KCNIP4: variants seen among roughly 807,000 people sequenced by gnomAD.
KCNIP4 encodes the protein potassium voltage-gated channel interacting protein 4, also known as Kv channel-interacting protein 4.
In KCNIP4, 12 loss-of-function variants were observed where a neutral mutation model predicts 34.0. The observed-to-expected ratio is 0.35, with a 90% CI of 0.23 to 0.57. The LOEUF is 0.57. Among genes scored for constraint, KCNIP4 ranks in the 20% least tolerant of loss-of-function variants. The pLI is 0.83. For synonymous variants in KCNIP4, 124 were observed against 102.2 expected, an observed-to-expected ratio of 1.21 and a Z score of -1.29; for missense variants, 238 against 311.7, an observed-to-expected ratio of 0.76 and a Z score of 1.78.
intron 1 of KCNIP4, among the ~76,000 whole-genome samples, chr4:21,610,923 C>T (rs1190276509): frequency 6.6e-6 from 1 of 152,062 alleles, no homozygotes; most frequent in Non-Finnish European, 1.5e-5. Flanking sequence ...CACCCATCAA[C>T]TCATCATCTA....
chr4:21,878,494 C>A (rs1251208826), intron 1 of KCNIP4, among the ~76,000 whole-genome samples: 3 of 152,152 alleles, frequency 2.0e-5, no homozygotes, highest in Non-Finnish European at 4.4e-5. Context: ...TATTGGTCTG[C>A]ATTCTTTCAC....
At chr4:21,043,962 T>G (rs1560672387) in intron 1 of KCNIP4, among the ~76,000 whole-genome samples, 2 of 152,144 alleles carry the variant, frequency 1.3e-5, no homozygotes, top group South Asian at 4.1e-4. Context: ...TGCCATTGGT[T>G]TCCATTGGGT....
intron 1 of KCNIP4, among the ~76,000 whole-genome samples, chr4:21,797,471 GTTTTT>G (rs71193408): frequency 0.35 from 52,370 of 149,586 alleles, 10,652 homozygotes; most frequent in Non-Finnish European, 0.48. Flanking sequence ...AAAAACATCA[GTTTTT>G]TTTTTTATTT....
intron 1 of KCNIP4, chr4:21,544,369 A>C (rs965245678): frequency 6.6e-6 from 1 of 152,090 alleles, no homozygotes; most frequent in African/African-American, 2.4e-5. Context: ...GTTTAAAATA[A>C]GTATCTATTT....
At chr4:21,851,032 G>T (rs112801308) in intron 1 of KCNIP4, 1 of 152,254 alleles carries the variant, frequency 6.6e-6, no homozygotes, top group Non-Finnish European at 1.5e-5. Flanking sequence ...GAAAGAACAC[G>T]ATAACCTAGC....
intron 1 of KCNIP4, among the ~76,000 whole-genome samples, chr4:21,725,105 C>T (rs950779787): frequency 1.3e-5 from 2 of 152,114 alleles, no homozygotes; most frequent in Non-Finnish European, 2.9e-5. Context: ...TGTTTGACAC[C>T]TCTGCCTTCA....
chr4:21,837,622 C>A (rs756782465), intron 1 of KCNIP4, among the ~76,000 whole-genome samples: 6 of 151,164 alleles, frequency 4.0e-5, no homozygotes, highest in Non-Finnish European at 7.4e-5. Flanking sequence ...GACAACTACT[C>A]ATTTTTAGGG....
At chr4:21,737,662 C>G (rs945773369) in intron 1 of KCNIP4, among the ~76,000 whole-genome samples, 2 of 152,092 alleles carry the variant, frequency 1.3e-5, no homozygotes, top group African/African-American at 4.8e-5. Flanking sequence ...GCCACTATTG[C>G]CTTACAGCTT....
At chr4:21,486,747 G>A (rs67306339) in intron 1 of KCNIP4, among the ~76,000 whole-genome samples, 19,013 of 152,106 alleles carry the variant, frequency 0.12, 1,351 homozygotes, top group South Asian at 0.21. Flanking sequence ...GCTGTATGCA[G>A]TATCCCTTCT....
chr4:20,989,178 T>A (rs995814923), intron 1 of KCNIP4, among the ~76,000 whole-genome samples: 3 of 152,204 alleles, frequency 2.0e-5, no homozygotes, highest in African/African-American at 7.2e-5. Context: ...ACTCTATTAA[T>A]CTATTTTTCC....
chr4:20,861,636 G>T (rs1020482025), intron 2 of KCNIP4, among the ~76,000 whole-genome samples: 4 of 152,132 alleles, frequency 2.6e-5, no homozygotes, highest in Non-Finnish European at 2.9e-5. Context: ...TATTGAAAAT[G>T]AACAGTTCTT....
At chr4:21,551,153 G>A (rs1460496) in intron 1 of KCNIP4, among the ~76,000 whole-genome samples, 4 of 151,836 alleles carry the variant, frequency 2.6e-5, no homozygotes, top group African/African-American at 7.3e-5. Context: ...AAAAACATTA[G>A]TTAATATAAA....
At chr4:21,046,523 G>A (rs1742431097) in intron 1 of KCNIP4, among the ~76,000 whole-genome samples, 1 of 151,926 alleles carries the variant, frequency 6.6e-6, no homozygotes, top group African/African-American at 2.4e-5. Context: ...TAAAGCCAGG[G>A]AATATTCTAT....
intron 3 of KCNIP4, among the ~76,000 whole-genome samples, chr4:20,833,484 C>CAATAATAAT (rs375084319): frequency 2.3e-4 from 34 of 150,916 alleles, no homozygotes; most frequent in African/African-American, 8.3e-4. Context: ...GACCCCATCT[C>CAATAATAAT]AATAATAATA....
chr4:21,460,220 T>G (rs1336281332), intron 1 of KCNIP4, among the ~76,000 whole-genome samples: 1 of 151,978 alleles, frequency 6.6e-6, no homozygotes, highest in African/African-American at 2.4e-5. Flanking sequence ...CAAAATTGCT[T>G]GCTCTATCTT....
At chr4:21,794,504 G>A (rs546329112) in intron 1 of KCNIP4, among the ~76,000 whole-genome samples, 24 of 152,276 alleles carry the variant, frequency 1.6e-4, no homozygotes, top group African/African-American at 4.8e-4. Flanking sequence ...ACTGCAACAC[G>A]AGGGATGCTG....
At chr4:21,450,356 A>G (rs549113669) in intron 1 of KCNIP4, among the ~76,000 whole-genome samples, 26 of 152,332 alleles carry the variant, frequency 1.7e-4, no homozygotes, top group African/African-American at 6.3e-4. Context: ...TTATGTAAAG[A>G]GAGATGGGTG....
chr4:21,267,995 G>A (rs111789438), intron 1 of KCNIP4, among the ~76,000 whole-genome samples: 2,753 of 152,026 alleles, frequency 0.018, 27 homozygotes, highest in South Asian at 0.026. Context: ...CTTTTTGGTT[G>A]GTATGCTATT....
chr4:21,821,102 C>T (rs758803322), intron 1 of KCNIP4, among the ~76,000 whole-genome samples: 1 of 152,026 alleles, frequency 6.6e-6, no homozygotes, highest in African/African-American at 2.4e-5. Context: ...TCAGTGTTAG[C>T]AATTGTTAGC....
Sources: gnomAD v4.1 joint callset for allele counts (sites outside exome capture counted in the v4.1 genomes callset) on GRCh38, gnomAD v4.1.1 for gene constraint, MANE v1.5 for transcripts, NCBI Gene and HGNC (gene_info 2026-07-23, HGNC 2026-07-21) for gene names.